The following XKR4 variants were observed in gnomAD, a reference collection of about 807,000 sequenced individuals.
The protein encoded by XKR4 is XK related 4.
In XKR4, 12 loss-of-function variants were observed where a neutral mutation model predicts 53.9. The ratio of observed to expected loss-of-function variants is 0.22; its 90% CI spans 0.14 to 0.36. The LOEUF (loss-of-function observed/expected upper bound fraction) is 0.36, where lower values mean the gene tolerates loss of function less well. XKR4 is among the 10% of genes least tolerant of loss of function. The probability of loss-of-function intolerance (pLI) is 1.00; values close to 1 mark genes in which losing one functional copy is unlikely to be tolerated. For missense variants in XKR4, 799 were observed against 859.5 expected, an observed-to-expected ratio of 0.93 and a Z score of 0.88; for synonymous variants, 354 against 362.4, an observed-to-expected ratio of 0.98 and a Z score of 0.26.
Position 55,318,087 on chromosome 8 carries a change from G to T in XKR4, c.807-39591G>T, listed in dbSNP as rs147702133. ...TAGAAAGTTAGCTTAATGCTAAGTTGCCTCAATTGTTGGCTTGAATCAATG... is the reference window on the plus strand; with the variant it reads ...TAGAAAGTTAGCTTAATGCTAAGTTTCCTCAATTGTTGGCTTGAATCAATG... On this transcript the variant is annotated intron_variant, in intron 1 of 2. Coordinates refer to ENST00000327381, the MANE Select transcript of XKR4 (RefSeq NM_052898.2). 3.9e-5 allele frequency among the ~76,000 whole-genome samples: 6 copies of T among 152,284 alleles called. No individual in the cohort carries two copies. In the East Asian group the frequency reaches 7.7e-4, roughly 20 times the overall value.
At chr8:55,315,927 T>C (rs1251778308) in intron 1 of XKR4, among the ~76,000 whole-genome samples, 1 of 152,146 alleles carries the variant, frequency 6.6e-6, no homozygotes, top group Non-Finnish European at 1.5e-5. Flanking sequence ...TGATTTAGTG[T>C]GATTTGAGCT....
At chr8:55,393,413 AG>A (rs1466846595) in intron 2 of XKR4, among the ~76,000 whole-genome samples, 7 of 26,224 alleles carry the variant, frequency 2.7e-4, no homozygotes, top group Admixed American at 1.6e-3. Flanking sequence ...GAAGGAAGGA[AG>A]GAAGGAAGGA....
At chr8:55,394,812 G>C (rs905012157) in intron 2 of XKR4, among the ~76,000 whole-genome samples, 1 of 151,840 alleles carries the variant, frequency 6.6e-6, no homozygotes, top group Non-Finnish European at 1.5e-5. Context: ...CACTTTTCTT[G>C]CTTGTGATTT....
intron 1 of XKR4, among the ~76,000 whole-genome samples, chr8:55,293,236 G>A (rs762428803): frequency 3.3e-4 from 51 of 152,264 alleles, no homozygotes; most frequent in Non-Finnish European, 6.2e-4. Context: ...TTGGGAGGCT[G>A]AGGCAGGAGA....
intron 1 of XKR4, among the ~76,000 whole-genome samples, chr8:55,278,200 G>A (rs1315624136): frequency 6.6e-6 from 1 of 152,054 alleles, no homozygotes; most frequent in Non-Finnish European, 1.5e-5. Flanking sequence ...AGCCAGGCAT[G>A]GTGATGCACA....
chr8:55,214,153 G>T (rs901652699), intron 1 of XKR4, among the ~76,000 whole-genome samples: 4 of 151,930 alleles, frequency 2.6e-5, no homozygotes, highest in African/African-American at 7.2e-5. Flanking sequence ...ATGAGCCACC[G>T]CACCCAGCTG....
intron 2 of XKR4, among the ~76,000 whole-genome samples, chr8:55,462,728 C>A (rs1805682367): frequency 6.6e-6 from 1 of 152,098 alleles, no homozygotes; most frequent in Non-Finnish European, 1.5e-5. Context: ...TTCAGGAAAC[C>A]CATCTCACGT....
At chr8:55,358,753 C>T (rs560092466) in intron 2 of XKR4, among the ~76,000 whole-genome samples, 1 of 152,308 alleles carries the variant, frequency 6.6e-6, no homozygotes, top group South Asian at 2.1e-4. Context: ...GTAAGGTGCT[C>T]GTTTTGTTTG....
At chr8:55,472,766 T>C (rs187728400) in intron 2 of XKR4, among the ~76,000 whole-genome samples, 9 of 152,242 alleles carry the variant, frequency 5.9e-5, no homozygotes, top group Admixed American at 1.3e-4. Context: ...ATAAATTGGC[T>C]GATCACCTCA....
At chr8:55,345,512 C>G (rs1803623051) in intron 1 of XKR4, among the ~76,000 whole-genome samples, 1 of 152,108 alleles carries the variant, frequency 6.6e-6, no homozygotes, top group Admixed American at 6.5e-5. Context: ...CAAAGTGCAG[C>G]TCATGGGTCA....
intron 2 of XKR4, among the ~76,000 whole-genome samples, chr8:55,390,371 C>T (rs2129388540): frequency 6.6e-6 from 1 of 152,154 alleles, no homozygotes; most frequent in East Asian, 1.9e-4. Context: ...AGTCTTTGTC[C>T]TTTATATTTG....
Position 55,341,081 on chromosome 8 carries a change from G to T in XKR4, c.807-16597G>T, listed in dbSNP as rs188884540. On this transcript the variant is annotated intron_variant, in intron 1 of 2. Coordinates refer to ENST00000327381, the MANE Select transcript of XKR4 (RefSeq NM_052898.2). ...TAGAGAAAGAAGCACATCATTGGGG[G>T]TGCTGCGGGGAACCTGTGATACAAC... Among the ~76,000 whole-genome samples the T allele has an allele frequency of 2.9e-4, 44 of 152,302 alleles. No homozygotes were observed. In the East Asian group the frequency reaches 5.2e-3, roughly 18 times the overall value.
At chr8:55,116,845 C>T (rs991495053) in intron 1 of XKR4, among the ~76,000 whole-genome samples, 1 of 151,994 alleles carries the variant, frequency 6.6e-6, no homozygotes, top group African/African-American at 2.4e-5. Context: ...TTTAAGTCTC[C>T]TCTTTCAGTA....
At chr8:55,247,839 C>CTTTA in intron 1 of XKR4, among the ~76,000 whole-genome samples, 1 of 51,262 alleles carries the variant, frequency 2.0e-5, no homozygotes, top group South Asian at 8.0e-4. Context: ...TTTTCTTTTT[C>CTTTA]TTTCTTTCTT....
intron 2 of XKR4, chr8:55,451,325 G>C: frequency 1.6e-6 from 1 of 625,062 alleles, no homozygotes; most frequent in Non-Finnish European, 2.9e-6. Flanking sequence ...GGGTTAGACA[G>C]AGTGGTGACC....
At chr8:55,350,894 C>A (rs919791501) in intron 1 of XKR4, among the ~76,000 whole-genome samples, 1 of 151,956 alleles carries the variant, frequency 6.6e-6, no homozygotes, top group Non-Finnish European at 1.5e-5. Context: ...CGTGCGCCAC[C>A]ACACCTGGCT....
At chr8:55,395,926 A>G (rs1021037595) in intron 2 of XKR4, among the ~76,000 whole-genome samples, 1 of 152,128 alleles carries the variant, frequency 6.6e-6, no homozygotes, top group Non-Finnish European at 1.5e-5. Flanking sequence ...TGAAAAACCC[A>G]CTGTCTGCTG....
chr8:55,141,506 G>A (rs1816701082), intron 1 of XKR4, among the ~76,000 whole-genome samples: 2 of 152,056 alleles, frequency 1.3e-5, no homozygotes, highest in South Asian at 4.1e-4. Flanking sequence ...TATGAAAACC[G>A]ATGCAATCAA....
rs11433893 is a variant in XKR4 at position 55,213,856 on chromosome 8, CTTTTTTTTTTTTTTT to C, written c.806+110575_806+110589del. 2.4e-4 allele frequency among the ~76,000 whole-genome samples: 20 copies of C among 82,350 alleles called. No individual in the cohort carries two copies. In the East Asian group the frequency reaches 7.1e-3, roughly 29 times the overall value. The allele number at this position is 82,350 out of a possible 152,430, so 54.0% of individuals were successfully genotyped here. A position where few individuals can be genotyped will look rare whatever the true frequency, so the allele number is the denominator to read the frequency against. ...TTAATACTTCTTTTTTTCTTTCTTTCTTTTTTTTTTTTTTTTTTTTTTTTTTTGAGACGAGTCTCC... is the reference window on the plus strand; with the variant it reads ...TTAATACTTCTTTTTTTCTTTCTTTCTTTTTTTTTTTTGAGACGAGTCTCC... On this transcript the variant is annotated intron_variant, in intron 1 of 2. Coordinates refer to ENST00000327381, the MANE Select transcript of XKR4 (RefSeq NM_052898.2).
Sources: gnomAD v4.1 joint callset for allele counts (sites outside exome capture counted in the v4.1 genomes callset) on GRCh38, gnomAD v4.1.1 for gene constraint, MANE v1.5 for transcripts, NCBI Gene and HGNC (gene_info 2026-07-23, HGNC 2026-07-21) for gene names.